The following NCOA2 variants were observed in gnomAD, a reference collection of about 807,000 sequenced individuals.
NCOA2 encodes class E basic helix-loop-helix protein 75.
NCOA2 carries 21 observed loss-of-function variants against 145.1 expected under a neutral mutation model. That is an observed-to-expected ratio of 0.14 (90% CI 0.10 to 0.21). The LOEUF (loss-of-function observed/expected upper bound fraction) is 0.21, where lower values mean the gene tolerates loss of function less well. Ranked by LOEUF, NCOA2 falls within the 10% of genes least tolerant of loss-of-function variation. The pLI, the probability that NCOA2 is intolerant of heterozygous loss-of-function variation, is 1.00. For synonymous variants in NCOA2, 619 were observed against 637.5 expected (o/e 0.97, Z 0.44); for missense variants, 1,472 against 1,837.6 (o/e 0.80, Z 3.64).
intron 10 of NCOA2, among the ~76,000 whole-genome samples, chr8:70,158,761 C>A (rs538241101): frequency 6.6e-6 from 1 of 151,990 alleles, no homozygotes; most frequent in Non-Finnish European, 1.5e-5. Context: ...CAAAACAAAA[C>A]AAAAAACAAA....
At chr8:70,436,476 T>C in the NCOA2 span, among the ~76,000 whole-genome samples, 6 of 152,216 alleles carry the variant, frequency 3.9e-5, no homozygotes, top group Admixed American at 3.3e-4. Context: ...AGTTGAATAC[T>C]GAGCTACAAA....
At chr8:70,121,180 A>G in intron 22 of NCOA2, 122 bp downstream of exon 22, 2 of 791,184 alleles carry the variant, frequency 2.5e-6, no homozygotes, top group Non-Finnish European at 4.2e-6. Flanking sequence ...AGATGAAACC[A>G]GAAGATATTT....
chr8:70,302,486 C>G (rs147810916), intron 1 of NCOA2, among the ~76,000 whole-genome samples: 1 of 152,250 alleles, frequency 6.6e-6, no homozygotes, highest in Non-Finnish European at 1.5e-5. Context: ...AGGTAATTTT[C>G]ATTCTCCAAA....
At chr8:70,301,061 A>G (rs189987015) in intron 1 of NCOA2, among the ~76,000 whole-genome samples, 36 of 152,340 alleles carry the variant, frequency 2.4e-4, no homozygotes, top group African/African-American at 7.5e-4. Context: ...GAGTTCATAC[A>G]TGATCTTACC....
Position 70,285,965 on chromosome 8 carries a change from C to T in NCOA2, c.-20+10779G>A, listed in dbSNP as rs147663483. 5.5e-3 allele frequency among the ~76,000 whole-genome samples: 837 copies of T among 152,196 alleles called. 4 individuals carry two copies. The highest frequency in any genetic ancestry group is 0.031 in the South Asian group (150 of 4,806). ...TATGATTTAATTCATCTCTCTATAC[C>T]TTAGTGTTTTCAGCTAAAAATGGGG... On this transcript the variant is annotated intron_variant, in intron 2 of 22. Coordinates refer to ENST00000452400, the MANE Select transcript of NCOA2 (RefSeq NM_006540.4).
chr8:70,425,406 C>A, the NCOA2 span, among the ~76,000 whole-genome samples: 1 of 152,126 alleles, frequency 6.6e-6, no homozygotes, highest in Non-Finnish European at 1.5e-5. Context: ...CTGCCTGTCA[C>A]CCCACCCAGC....
At chr8:70,446,333 A>G in the NCOA2 span, among the ~76,000 whole-genome samples, 9 of 152,172 alleles carry the variant, frequency 5.9e-5, no homozygotes, top group Non-Finnish European at 8.8e-5. Flanking sequence ...ATAGCTTCGT[A>G]GTCACATTAA....
intron 2 of NCOA2, among the ~76,000 whole-genome samples, chr8:70,258,053 G>A (rs1823793560): frequency 6.6e-6 from 1 of 151,998 alleles, no homozygotes. Flanking sequence ...CAGTAGCTGG[G>A]ATCAGAGGCA....
chr8:70,326,472 T>C (rs1003212511), intron 1 of NCOA2, among the ~76,000 whole-genome samples: 28 of 143,820 alleles, frequency 1.9e-4, no homozygotes, highest in Non-Finnish European at 4.0e-4. Context: ...CACACACACA[T>C]GCACACACAC....
intron 2 of NCOA2, among the ~76,000 whole-genome samples, chr8:70,275,586 A>C (rs1029637501): frequency 6.6e-6 from 1 of 152,144 alleles, no homozygotes; most frequent in African/African-American, 2.4e-5. Context: ...ACTCTAATTA[A>C]AAAAACAAAC....
the NCOA2 span, among the ~76,000 whole-genome samples, chr8:70,454,212 T>C: frequency 6.6e-6 from 1 of 152,236 alleles, no homozygotes; most frequent in Non-Finnish European, 1.5e-5. Context: ...ATTGTGTTTA[T>C]ATAATACTCT....
chr8:70,329,313 CGCCATGTGGATGGTCTCAAACTCCTGG>C (rs1563769840), intron 1 of NCOA2, among the ~76,000 whole-genome samples: 1 of 151,906 alleles, frequency 6.6e-6, no homozygotes, highest in Non-Finnish European at 1.5e-5. Context: ...GATGGGAGTT[CGCCATGTGGATGGTCTCAAACTCCTGG>C]GCTCAAGCAA....
intron 1 of NCOA2, among the ~76,000 whole-genome samples, chr8:70,371,999 A>C (rs1459129799): frequency 6.6e-6 from 1 of 152,156 alleles, no homozygotes; most frequent in East Asian, 1.9e-4. Flanking sequence ...TAATTTTTTT[A>C]CCTCTAAAGT....
the NCOA2 span, among the ~76,000 whole-genome samples, chr8:70,425,345 G>A: frequency 1.3e-5 from 2 of 152,000 alleles, no homozygotes; most frequent in African/African-American, 4.8e-5. Flanking sequence ...TTTCATGGAT[G>A]AGTTCTTTAG....
At chr8:70,395,885 A>G (rs1813620274) in intron 1 of NCOA2, among the ~76,000 whole-genome samples, 1 of 152,248 alleles carries the variant, frequency 6.6e-6, no homozygotes, top group African/African-American at 2.4e-5. Context: ...ACCGTGCATT[A>G]TATTCTCGTC....
intron 4 of NCOA2, among the ~76,000 whole-genome samples, chr8:70,188,659 C>A (rs1816340530): frequency 6.6e-6 from 1 of 151,866 alleles, no homozygotes; most frequent in Non-Finnish European, 1.5e-5. Context: ...ACAAAAAAAA[C>A]CTGAAATCAT....
intron 15 of NCOA2, among the ~76,000 whole-genome samples, chr8:70,134,877 T>C (rs1422012561): frequency 6.6e-6 from 1 of 152,198 alleles, no homozygotes; most frequent in Non-Finnish European, 1.5e-5. Flanking sequence ...GTTGGGACTC[T>C]CGGGACACTT....
chr8:70,317,814 C>T (rs1015530126), intron 1 of NCOA2, among the ~76,000 whole-genome samples: 1 of 152,036 alleles, frequency 6.6e-6, no homozygotes, highest in African/African-American at 2.4e-5. Flanking sequence ...AATCTAAACA[C>T]TTTGGGAGGC....
chr8:70,171,654 T>A (rs1814270348), intron 5 of NCOA2, among the ~76,000 whole-genome samples: 1 of 152,214 alleles, frequency 6.6e-6, no homozygotes, highest in African/African-American at 2.4e-5. Flanking sequence ...CTTTGTGATA[T>A]GTGTTTATTA....
Sources: gnomAD v4.1 joint callset for allele counts (sites outside exome capture counted in the v4.1 genomes callset) on GRCh38, gnomAD v4.1.1 for gene constraint, MANE v1.5 for transcripts, NCBI Gene and HGNC (gene_info 2026-07-23, HGNC 2026-07-21) for gene names.